UCHL5: variants seen among roughly 807,000 people sequenced by gnomAD.
The protein encoded by UCHL5 is ubiquitin carboxyl-terminal hydrolase isozyme L5.
A neutral mutation model predicts 53.8 loss-of-function variants in UCHL5; 34 were observed. The observed-to-expected ratio is 0.63, with a 90% CI of 0.48 to 0.84. UCHL5 has a LOEUF of 0.84. Among genes scored for constraint, UCHL5 ranks in the 40% least tolerant of loss-of-function variants. The pLI, the probability that UCHL5 is intolerant of heterozygous loss-of-function variation, is 0.00. For synonymous variants in UCHL5, 111 were observed against 126.3 expected (o/e 0.88, Z 0.81); for missense variants, 290 against 385.6 (o/e 0.75, Z 2.08).
intron 3 of UCHL5, among the ~76,000 whole-genome samples, chr1:193,038,956 A>C (rs1470359334): frequency 6.6e-6 from 1 of 152,154 alleles, no homozygotes; most frequent in African/African-American, 2.4e-5. Flanking sequence ...TGATTGTGCT[A>C]CTTCACTCCA....
chr1:193,018,903 C>A (rs1219493326), intron 10 of UCHL5: 7 of 1,127,062 alleles, frequency 6.2e-6, no homozygotes, highest in Non-Finnish European at 7.4e-6. Flanking sequence ...GAAGTATTAC[C>A]ATTAAGTAAT....
chr1:193,015,267 A>G lies in UCHL5; in HGVS notation c.*1084T>C, dbSNP rs1178681949. On this transcript the variant is annotated 3_prime_UTR_variant, in exon 11 of 11. Transcript: ENST00000367454. ...ATAAATTATGCTAAATTGATTTTAC[A>G]ATAAATAATAAAATGTTAAAGTCAT... 1 of 152,082 alleles carries G rather than the reference A, an allele frequency of 6.6e-6. No individual in the cohort carries two copies. The highest frequency in any genetic ancestry group is 2.4e-5 in the African/African-American group (1 of 41,454). The allele number at this position is 152,082 out of a possible 1,614,324, so 9.4% of individuals were successfully genotyped here. A position where few individuals can be genotyped will look rare whatever the true frequency, so the allele number is the denominator to read the frequency against.
rs1237991543 is a variant in UCHL5 at position 193,016,251 on chromosome 1, GCA to G, written c.*98_*99del. The G allele has an allele frequency of 1.7e-5, 24 of 1,380,872 alleles. No individual in the cohort carries two copies. The African/African-American group carries it at 3.0e-4, about 17-fold the overall frequency. 85.5% of individuals were successfully genotyped at this position (1,380,872 alleles called of 1,614,324 possible). On this transcript the variant is annotated 3_prime_UTR_variant, in exon 11 of 11. Transcript: ENST00000367454. The stretch of plus-strand genomic sequence containing the variant: ...ACAGGCTGGCACTATTGCCAAACGT[GCA>G]CTGAGCCAATTAGGATGTTGCTCTA...
Position 193,016,297 on chromosome 1 carries a change from G to A in UCHL5, c.*54C>T, listed in dbSNP as rs1272052866. 3 of 1,589,382 alleles carry A rather than the reference G, an allele frequency of 1.9e-6. No homozygotes were observed. Among genetic ancestry groups the A allele is most frequent in the Non-Finnish European group, 2.6e-6 (3 of 1,170,948 alleles). ...TGCTCTAAGTTCTTTATACATAATG[G>A]TTTCCATGAAAATATGTGCAGAAGC... On this transcript the variant is annotated 3_prime_UTR_variant, in exon 11 of 11. Coordinates refer to ENST00000367454, the MANE Select transcript of UCHL5 (RefSeq NM_001199261.3).
At position 193,012,952 on chromosome 1, in the gene UCHL5, A is replaced by T. The variant is rs1334846284; in HGVS notation, c.*3399T>A. 1 of 152,218 alleles carries T rather than the reference A, an allele frequency of 6.6e-6. No homozygotes were observed. Among genetic ancestry groups the T allele is most frequent in the Non-Finnish European group, 1.5e-5 (1 of 68,028 alleles). 9.4% of individuals were successfully genotyped at this position (152,218 alleles called of 1,614,324 possible). A position where few individuals can be genotyped will look rare whatever the true frequency, so the allele number is the denominator to read the frequency against. Reference sequence around the variant, plus strand: ...CTTTACCATGTCAGTCATTGGATTTAGGCCAGTTAACAATATACTAAAGAA... The same window carrying T: ...CTTTACCATGTCAGTCATTGGATTTTGGCCAGTTAACAATATACTAAAGAA... On this transcript the variant is annotated 3_prime_UTR_variant, in exon 11 of 11. Transcript: ENST00000367454.
At position 193,054,022 on chromosome 1, in the gene UCHL5, C is replaced by CAA. The variant is rs11420240; in HGVS notation, c.77-2207_77-2206dup. Among the ~76,000 whole-genome samples the CAA allele has an allele frequency of 8.8e-3, 1,231 of 139,818 alleles. 13 individuals are homozygous for CAA. The highest frequency in any genetic ancestry group is 0.023 in the African/African-American group (877 of 38,146). The allele number at this position is 139,818 out of a possible 152,430, so 91.7% of individuals were successfully genotyped here. On this transcript the variant is annotated intron_variant, in intron 1 of 10. Coordinates refer to ENST00000367454, the MANE Select transcript of UCHL5 (RefSeq NM_001199261.3). ...GATCATTACTACCTGCACTGGTTACCAAAAAAAAAAAAAAACTGTCATGGA... is the reference window on the plus strand; with the variant it reads ...GATCATTACTACCTGCACTGGTTACCAAAAAAAAAAAAAAAAACTGTCATGGA...
At chr1:193,027,419 T>C (rs1373444676) in intron 7 of UCHL5, among the ~76,000 whole-genome samples, 4 of 152,294 alleles carry the variant, frequency 2.6e-5, no homozygotes, top group African/African-American at 7.2e-5. Flanking sequence ...GTGCAGTGGC[T>C]CATGCCTGTA....
chr1:193,012,658 C>T lies in UCHL5; in HGVS notation c.*3693G>A, dbSNP rs1299661562. 2 of 152,146 alleles carry T rather than the reference C, an allele frequency of 1.3e-5. No homozygotes were observed. The highest frequency in any genetic ancestry group is 3.8e-4 in the East Asian group (2 of 5,204). The allele number at this position is 152,146 out of a possible 1,614,324, so 9.4% of individuals were successfully genotyped here. A position where few individuals can be genotyped will look rare whatever the true frequency, so the allele number is the denominator to read the frequency against. ...AGTACATCTCATTAATGGGATCTTC[C>T]ATGACCATTCTATCAAACCTCAGCT... On this transcript the variant is annotated 3_prime_UTR_variant, in exon 11 of 11. Coordinates refer to ENST00000367454, the MANE Select transcript of UCHL5 (RefSeq NM_001199261.3).
At chr1:193,035,360 A>G (rs992718921) in intron 3 of UCHL5, among the ~76,000 whole-genome samples, 36 of 152,034 alleles carry the variant, frequency 2.4e-4, no homozygotes, top group African/African-American at 7.2e-4. Context: ...ACAAGCAAAC[A>G]ATATCTAAAG....
chr1:193,018,572 T>A, intron 10 of UCHL5: 1 of 1,200,758 alleles, frequency 8.3e-7, no homozygotes, highest in Non-Finnish European at 1.0e-6. Context: ...CAAAAACATT[T>A]ATAGGTTCTA....
chr1:193,042,270 G>A (rs1665846722), intron 3 of UCHL5, among the ~76,000 whole-genome samples: 1 of 152,146 alleles, frequency 6.6e-6, no homozygotes, highest in Non-Finnish European at 1.5e-5. Context: ...TGGAGAGAGG[G>A]AAGACGAGAA....
intron 1 of UCHL5, among the ~76,000 whole-genome samples, chr1:193,052,413 G>C (rs867731815): frequency 5.3e-5 from 8 of 152,204 alleles, no homozygotes; most frequent in Non-Finnish European, 1.0e-4. Flanking sequence ...TGGTGTGGAC[G>C]GTAGGGGAGA....
intron 7 of UCHL5, among the ~76,000 whole-genome samples, chr1:193,024,237 G>A (rs1400545897): frequency 6.7e-6 from 1 of 149,808 alleles, no homozygotes; most frequent in Middle Eastern, 3.5e-3. Context: ...ACAAGACCCT[G>A]TCTCTTAAAA....
upstream of UCHL5, chr1:193,059,391 G>A (rs748818112): frequency 6.2e-7 from 1 of 1,608,778 alleles, no homozygotes; most frequent in Non-Finnish European, 8.5e-7. The surrounding 1 kb of genome is among the most constrained non-coding windows in gnomAD (Gnocchi z 4.9). Flanking sequence ...CCTACTTCCC[G>A]ACAGCCTCCG....
At chr1:193,024,025 C>T in intron 7 of UCHL5, 79 bp from the exon 8 acceptor site, 1 of 1,018,372 alleles carries the variant, frequency 9.8e-7, no homozygotes, top group Admixed American at 3.0e-5. Context: ...ATCGTGATTC[C>T]CCTCTTGATT....
chr1:193,021,077 T>A lies in UCHL5; in HGVS notation c.942+20A>T. On this transcript the variant is annotated intron_variant, in intron 10 of 10. Coordinates refer to ENST00000367454, the MANE Select transcript of UCHL5 (RefSeq NM_001199261.3). ...GGAGACTCTAAACTTAATTTAAGTA[T>A]CTACCAATAAAATACTTACCTTTTC... 6.6e-7 allele frequency: 1 copy of A among 1,514,798 alleles called. No homozygotes were observed. Among genetic ancestry groups the A allele is most frequent in the Non-Finnish European group, 9.1e-7 (1 of 1,095,402 alleles). 93.8% of individuals were successfully genotyped at this position (1,514,798 alleles called of 1,614,324 possible). A position where few individuals can be genotyped will look rare whatever the true frequency, so the allele number is the denominator to read the frequency against.
At chr1:193,018,348 G>T in intron 10 of UCHL5, 2 of 298,910 alleles carry the variant, frequency 6.7e-6, no homozygotes, top group Non-Finnish European at 9.9e-6. Context: ...ATACAAATGT[G>T]TAGACAAAAA....
chr1:193,016,309 A>G lies in UCHL5; in HGVS notation c.*42T>C, dbSNP rs756448482. The G allele has an allele frequency of 8.2e-6, 13 of 1,593,994 alleles. No homozygotes were observed. Among genetic ancestry groups the G allele is most frequent in the Non-Finnish European group, 9.4e-6 (11 of 1,173,952 alleles). On this transcript the variant is annotated 3_prime_UTR_variant, in exon 11 of 11. Transcript: ENST00000367454. ...TTTATACATAATGGTTTCCATGAAA[A>G]TATGTGCAGAAGCAGAAATGTGTAC...
chr1:193,059,606 G>T, upstream of UCHL5: 1 of 1,439,518 alleles, frequency 6.9e-7, no homozygotes, highest in South Asian at 1.1e-5. The surrounding 1 kb of genome is among the most constrained non-coding windows in gnomAD (Gnocchi z 4.9). Context: ...AAAGAAGAGG[G>T]GCAGGACTCG....
Sources: gnomAD v4.1 joint callset for allele counts (sites outside exome capture counted in the v4.1 genomes callset) on GRCh38, gnomAD v4.1.1 for gene constraint, Gnocchi (gnomAD v3.1) non-coding constraint, MANE v1.5 for transcripts, NCBI Gene and HGNC (gene_info 2026-07-23, HGNC 2026-07-21) for gene names.